Variants in HDAC4 observed in about 807,000 individuals in gnomAD.
The protein encoded by HDAC4 is histone deacetylase 4, also known as histone deacetylase A.
A neutral mutation model predicts 135.1 loss-of-function variants in HDAC4; 16 were observed. The ratio of observed to expected loss-of-function variants is 0.12; its 90% CI spans 0.08 to 0.18. HDAC4 has a LOEUF of 0.18. Ranked by LOEUF, HDAC4 falls within the 10% of genes least tolerant of loss-of-function variation. HDAC4 has a pLI of 1.00. For missense variants in HDAC4, 1,143 were observed against 1,511.8 expected (o/e 0.76, Z 4.05); for synonymous variants, 685 against 653.4 (o/e 1.05, Z -0.74).
At chr2:239,133,732 G>A (rs2152878730) in intron 11 of HDAC4, among the ~76,000 whole-genome samples, 1 of 152,330 alleles carries the variant, frequency 6.6e-6, no homozygotes, top group Admixed American at 6.5e-5. Context: ...CTCCCAAACT[G>A]CTGGGATTAC....
intron 3 of HDAC4, among the ~76,000 whole-genome samples, chr2:239,204,116 G>A (rs1371596708): frequency 6.6e-6 from 1 of 152,174 alleles, no homozygotes; most frequent in Non-Finnish European, 1.5e-5. Context: ...TCATATTCCT[G>A]TGTAAAGCAG....
In HDAC4 at chr2:239,383,602, C is replaced by T. The variant is rs562681773; in HGVS notation, c.-220+17376G>A. On this transcript the variant is annotated intron_variant, in intron 1 of 26. Coordinates refer to ENST00000543185, the MANE Select transcript of HDAC4 (RefSeq NM_001378414.1). The stretch of plus-strand genomic sequence containing the variant: ...AGCAGTTAGTTTTGCAAACCCAATA[C>T]GCTCAAAGAGCGCCCGATCAATCCA... Among the ~76,000 whole-genome samples, 5 of 152,266 alleles carry T rather than the reference C, an allele frequency of 3.3e-5. No individual in the cohort carries two copies. The South Asian group carries it at 8.3e-4, about 25-fold the overall frequency.
At position 239,050,035 on chromosome 2, in the gene HDAC4, G is replaced by C. The variant is rs117967653; in HGVS notation, c.*3062C>G. On this transcript the variant is annotated 3_prime_UTR_variant, in exon 27 of 27. Coordinates refer to ENST00000543185, the MANE Select transcript of HDAC4 (RefSeq NM_001378414.1). ...AACACATGAAGGAACCCTCCCTGACGTGGTCCCGCCTGCAGACGCCGAGGC... is the reference window on the plus strand; with the variant it reads ...AACACATGAAGGAACCCTCCCTGACCTGGTCCCGCCTGCAGACGCCGAGGC... 6.6e-6 allele frequency: 1 copy of C among 152,664 alleles called. No individual in the cohort carries two copies. The highest frequency in any genetic ancestry group is 1.5e-5 in the Non-Finnish European group (1 of 68,092). 9.5% of individuals were successfully genotyped at this position (152,664 alleles called of 1,614,324 possible).
In HDAC4 at chr2:239,115,699, CA is replaced by C. The variant is rs1216423678; in HGVS notation, c.1534-390del. Among the ~76,000 whole-genome samples the C allele has an allele frequency of 1.3e-5, 2 of 152,138 alleles. No individual in the cohort carries two copies. Among genetic ancestry groups the C allele is most frequent in the East Asian group, 3.9e-4 (2 of 5,178 alleles). On this transcript the variant is annotated intron_variant, in intron 12 of 26. Transcript: ENST00000543185. The surrounding 1 kb of genome is among the most constrained non-coding windows in gnomAD (Gnocchi z 6.3). ...GAGGCCAATGCTGACCTCACAGCCACAACTGCTAAGAGAAACAGCCCACCAC... is the reference window on the plus strand; with the variant it reads ...GAGGCCAATGCTGACCTCACAGCCACACTGCTAAGAGAAACAGCCCACCAC...
At chr2:239,323,272 A>G (rs1354805124) in intron 2 of HDAC4, among the ~76,000 whole-genome samples, 7 of 152,198 alleles carry the variant, frequency 4.6e-5, no homozygotes, top group African/African-American at 1.7e-4. Context: ...AGAGGGAAAG[A>G]GAGAAAAAGA....
chr2:239,295,428 A>C (rs569623629), intron 2 of HDAC4, among the ~76,000 whole-genome samples: 2 of 152,216 alleles, frequency 1.3e-5, no homozygotes, highest in Non-Finnish European at 2.9e-5. Flanking sequence ...GAATGAGACA[A>C]GATGGGAGCC....
At position 239,331,860 on chromosome 2, in the gene HDAC4, C is replaced by T. The variant is rs980888492; in HGVS notation, c.22+20818G>A. Reference sequence around the variant, plus strand: ...AGGAGCGGAGCAGCACCGGACGGCTCGGACCCTGGGAAACGAACGCCAGAC... The same window carrying T: ...AGGAGCGGAGCAGCACCGGACGGCTTGGACCCTGGGAAACGAACGCCAGAC... On this transcript the variant is annotated intron_variant, in intron 2 of 26. Coordinates refer to ENST00000543185, the MANE Select transcript of HDAC4 (RefSeq NM_001378414.1). This position sits in a 1 kb window ranked among gnomAD's most constrained non-coding sequence, Gnocchi z 4.5. Among the ~76,000 whole-genome samples the T allele has an allele frequency of 3.3e-5, 5 of 152,080 alleles. No individual in the cohort carries two copies. Among genetic ancestry groups the T allele is most frequent in the African/African-American group, 7.2e-5 (3 of 41,404 alleles).
intron 14 of HDAC4, among the ~76,000 whole-genome samples, chr2:239,111,206 G>C (rs925550043): frequency 3.9e-5 from 6 of 152,234 alleles, no homozygotes; most frequent in Non-Finnish European, 8.8e-5. Flanking sequence ...TTCCTGAGCC[G>C]GACCAGAAGC....
intron 13 of HDAC4, among the ~76,000 whole-genome samples, chr2:239,113,258 A>G (rs1432467425): frequency 6.6e-6 from 1 of 151,406 alleles, no homozygotes; most frequent in African/African-American, 2.4e-5. Flanking sequence ...TCACACACAC[A>G]CACACAAAAG....
chr2:239,199,602 G>A (rs1413951632), intron 3 of HDAC4, among the ~76,000 whole-genome samples: 1 of 152,182 alleles, frequency 6.6e-6, no homozygotes, highest in African/African-American at 2.4e-5. Context: ...CACTGTTTAC[G>A]AATGCTCACA....
At chr2:239,280,166 T>G (rs1457856337) in intron 2 of HDAC4, among the ~76,000 whole-genome samples, 1 of 151,978 alleles carries the variant, frequency 6.6e-6, no homozygotes, top group Non-Finnish European at 1.5e-5. Flanking sequence ...AAAAACATGT[T>G]GGTCAAAGAA....
At chr2:239,074,828 T>C (rs1409785237) in intron 22 of HDAC4, among the ~76,000 whole-genome samples, 3 of 152,204 alleles carry the variant, frequency 2.0e-5, no homozygotes, top group Non-Finnish European at 2.9e-5. Context: ...CTCCACGACT[T>C]TCCTACAAGA....
At chr2:239,158,632 C>T (rs1280671792) in intron 6 of HDAC4, among the ~76,000 whole-genome samples, 1 of 152,024 alleles carries the variant, frequency 6.6e-6, no homozygotes, top group Non-Finnish European at 1.5e-5. Flanking sequence ...TGGACCACCT[C>T]GATGGATCCA....
Position 239,049,640 on chromosome 2 carries a change from G to C in HDAC4, c.*3457C>G, listed in dbSNP as rs557688284. 6 of 152,614 alleles carry C rather than the reference G, an allele frequency of 3.9e-5. No individual in the cohort carries two copies. In the South Asian group the frequency reaches 1.2e-3, roughly 32 times the overall value. 9.5% of individuals were successfully genotyped at this position (152,614 alleles called of 1,614,324 possible). A position where few individuals can be genotyped will look rare whatever the true frequency, so the allele number is the denominator to read the frequency against. ...TGCTAGTGCTGCAAAAATCAAACTT[G>C]CTTTTGTGTCAGACCATTACGAAAT... is the stretch of plus-strand genomic sequence containing the variant. On this transcript the variant is annotated 3_prime_UTR_variant, in exon 27 of 27. Transcript: ENST00000543185.
Position 239,331,757 on chromosome 2 carries a change from A to G in HDAC4, c.22+20921T>C, listed in dbSNP as rs1365535800. ...ACAGGATGCAATCTAAAACACGGCG[A>G]TGCACGAGGAGCCCAGGCCTGGGAG... On this transcript the variant is annotated intron_variant, in intron 2 of 26. Transcript: ENST00000543185. This position sits in a 1 kb window ranked among gnomAD's most constrained non-coding sequence, Gnocchi z 4.5. Among the ~76,000 whole-genome samples, 1 of 152,152 alleles carries G rather than the reference A, an allele frequency of 6.6e-6. No homozygotes were observed. The highest frequency in any genetic ancestry group is 2.4e-5 in the African/African-American group (1 of 41,430).
intron 1 of HDAC4, among the ~76,000 whole-genome samples, chr2:239,358,163 C>T (rs1245728116): frequency 6.6e-6 from 1 of 152,134 alleles, no homozygotes; most frequent in African/African-American, 2.4e-5. Context: ...ACATCCAAAT[C>T]ACCTCCTTTT....
chr2:239,259,033 T>A (rs989167435), intron 2 of HDAC4, among the ~76,000 whole-genome samples: 3 of 152,200 alleles, frequency 2.0e-5, no homozygotes, highest in Non-Finnish European at 4.4e-5. Flanking sequence ...AATATTAACG[T>A]CAGACAAAGT....
At chr2:239,113,732 C>T (rs952703528) in intron 13 of HDAC4, among the ~76,000 whole-genome samples, 1 of 152,174 alleles carries the variant, frequency 6.6e-6, no homozygotes, top group African/African-American at 2.4e-5. Context: ...CAAGGCCCGA[C>T]CACAGGAAGA....
intron 18 of HDAC4, among the ~76,000 whole-genome samples, chr2:239,089,427 A>T (rs2036287021): frequency 6.6e-6 from 1 of 152,184 alleles, no homozygotes; most frequent in African/African-American, 2.4e-5. Flanking sequence ...TCCCAGGTTC[A>T]AGCGATTCGC....
Sources: gnomAD v4.1 joint callset for allele counts (sites outside exome capture counted in the v4.1 genomes callset) on GRCh38, gnomAD v4.1.1 for gene constraint, Gnocchi (gnomAD v3.1) non-coding constraint, MANE v1.5 for transcripts, NCBI Gene and HGNC (gene_info 2026-07-23, HGNC 2026-07-21) for gene names.